Variants in DDAH1 observed in about 807,000 individuals in gnomAD.
The protein encoded by DDAH1 is N(G),N(G)-dimethylarginine dimethylaminohydrolase 1.
Under a neutral mutation model 28.8 loss-of-function variants are expected in DDAH1, and 19 were observed. The observed-to-expected ratio is 0.66, with a 90% CI of 0.46 to 0.97. DDAH1 has a LOEUF of 0.97. DDAH1 is among the 50% of genes least tolerant of loss of function. The probability of loss-of-function intolerance (pLI) is 0.00; values close to 1 mark genes in which losing one functional copy is unlikely to be tolerated. For missense variants in DDAH1, 326 were observed against 375.9 expected (o/e 0.87, Z 1.10); for synonymous variants, 153 against 154.4 (o/e 0.99, Z 0.07).
chr1:85,402,558 G>A (rs1260638170), intron 1 of DDAH1, among the ~76,000 whole-genome samples: 1 of 151,898 alleles, frequency 6.6e-6, no homozygotes, highest in Admixed American at 6.6e-5. Context: ...AAAATGCTTT[G>A]TATATTTTTC....
chr1:85,572,096 A>G (rs1175614275), intron 1 of DDAH1, among the ~76,000 whole-genome samples: 2 of 152,190 alleles, frequency 1.3e-5, no homozygotes, highest in Non-Finnish European at 2.9e-5. Flanking sequence ...ACTAAGTTAC[A>G]GTAGACGGAT....
chr1:85,423,841 A>G (rs1170077589), intron 1 of DDAH1, among the ~76,000 whole-genome samples: 1 of 152,196 alleles, frequency 6.6e-6, no homozygotes, highest in Non-Finnish European at 1.5e-5. Flanking sequence ...CAGTGGTCAG[A>G]GAGGAAATCC....
chr1:85,410,588 G>A (rs1432849535), intron 1 of DDAH1, among the ~76,000 whole-genome samples: 1 of 146,424 alleles, frequency 6.8e-6, no homozygotes, highest in Non-Finnish European at 1.5e-5. Context: ...GTGGTGAGCC[G>A]AGATGGCACC....
chr1:85,500,147 TTTTC>T (rs1373280087), intron 1 of DDAH1, among the ~76,000 whole-genome samples: 3 of 55,244 alleles, frequency 5.4e-5, no homozygotes, highest in African/African-American at 1.6e-4. Context: ...TCTTTCTTTC[TTTTC>T]TTTCTTTCTT....
chr1:85,420,833 T>C (rs1277662281), intron 1 of DDAH1, among the ~76,000 whole-genome samples: 1 of 152,240 alleles, frequency 6.6e-6, no homozygotes, highest in Non-Finnish European at 1.5e-5. Flanking sequence ...TGATTTTCTG[T>C]GTTAGACCAT....
At chr1:85,458,936 G>A (rs1007235441) in intron 1 of DDAH1, among the ~76,000 whole-genome samples, 2 of 152,066 alleles carry the variant, frequency 1.3e-5, no homozygotes, top group African/African-American at 4.8e-5. Context: ...CAGATCTCCA[G>A]TCAAAAAATG....
intron 1 of DDAH1, among the ~76,000 whole-genome samples, chr1:85,507,319 A>G (rs1433550634): frequency 6.6e-6 from 1 of 152,116 alleles, no homozygotes; most frequent in Non-Finnish European, 1.5e-5. Flanking sequence ...TCTAGGCAAC[A>G]TGGTGAAACC....
At chr1:85,444,358 A>T (rs1303252730) in intron 1 of DDAH1, among the ~76,000 whole-genome samples, 1 of 152,198 alleles carries the variant, frequency 6.6e-6, no homozygotes, top group African/African-American at 2.4e-5. Flanking sequence ...CATCCCAGTG[A>T]TGAAGCCCAC....
chr1:85,564,861 C>CAA (rs201212308), intron 1 of DDAH1, among the ~76,000 whole-genome samples: 92 of 127,898 alleles, frequency 7.2e-4, no homozygotes, highest in South Asian at 1.2e-3. Context: ...AAGACTATGT[C>CAA]AAAAAAAAAA....
At chr1:85,431,274 T>C (rs1653675767) in intron 1 of DDAH1, among the ~76,000 whole-genome samples, 1 of 152,214 alleles carries the variant, frequency 6.6e-6, no homozygotes, top group African/African-American at 2.4e-5. Flanking sequence ...CTTTTTGATG[T>C]ACTGCTGGAT....
chr1:85,558,046 C>T (rs1659031706), intron 1 of DDAH1, among the ~76,000 whole-genome samples: 1 of 151,806 alleles, frequency 6.6e-6, no homozygotes. Context: ...AAAGAAAATG[C>T]ACTTGGTCCA....
At chr1:85,465,905 G>C (rs1281545834), upstream of DDAH1, among the ~76,000 whole-genome samples, 1 of 152,128 alleles carries the variant, frequency 6.6e-6, no homozygotes, top group East Asian at 1.9e-4. Context: ...TAAAATCATA[G>C]TATCCGGAAA....
chr1:85,499,401 G>T (rs763484500), intron 1 of DDAH1, among the ~76,000 whole-genome samples: 1 of 152,134 alleles, frequency 6.6e-6, no homozygotes, highest in Admixed American at 6.5e-5. Flanking sequence ...GAGGCCGGGT[G>T]CGGTGGCTGA....
At chr1:85,561,032 G>A (rs531103370) in intron 1 of DDAH1, among the ~76,000 whole-genome samples, 23 of 151,938 alleles carry the variant, frequency 1.5e-4, no homozygotes, top group African/African-American at 2.9e-4. Context: ...TTCCTCATAC[G>A]ACTTTAACAA....
At position 85,319,882 on chromosome 1, in the gene DDAH1, G is replaced by A. The variant is rs544090163; in HGVS notation, c.*1570C>T. On this transcript the variant is annotated 3_prime_UTR_variant, in exon 6 of 6. Coordinates refer to ENST00000284031, the MANE Select transcript of DDAH1 (RefSeq NM_012137.4). ...AGAGGTTTCTCCTTCCATCTGCTAC[G>A]GGGGAAATGAAATGAATGAAAGTAA... 2.6e-5 allele frequency: 4 copies of A among 152,278 alleles called. No homozygotes were observed. Among genetic ancestry groups the A allele is most frequent in the South Asian group, 2.1e-4 (1 of 4,826 alleles). The allele number at this position is 152,278 out of a possible 1,614,324, so 9.4% of individuals were successfully genotyped here. A position where few individuals can be genotyped will look rare whatever the true frequency, so the allele number is the denominator to read the frequency against.
chr1:85,346,362 G>A (rs955179388), intron 4 of DDAH1, among the ~76,000 whole-genome samples: 2 of 152,198 alleles, frequency 1.3e-5, no homozygotes, highest in Non-Finnish European at 2.9e-5. Context: ...CACCTATCCT[G>A]AGACTGCTCA....
At chr1:85,544,752 T>C (rs1373756616) in intron 1 of DDAH1, among the ~76,000 whole-genome samples, 1 of 152,102 alleles carries the variant, frequency 6.6e-6, no homozygotes, top group Non-Finnish European at 1.5e-5. Context: ...CTGGGCACAG[T>C]AGCTGACTAT....
intron 4 of DDAH1, among the ~76,000 whole-genome samples, chr1:85,349,974 T>C (rs1472770206): frequency 6.6e-6 from 1 of 152,234 alleles, no homozygotes; most frequent in Non-Finnish European, 1.5e-5. Flanking sequence ...TAGGTACTTC[T>C]GAACCATGGC....
At chr1:85,474,074 T>G (rs1004093238) in intron 2 of DDAH1, among the ~76,000 whole-genome samples, 1 of 152,246 alleles carries the variant, frequency 6.6e-6, no homozygotes, top group Non-Finnish European at 1.5e-5. Flanking sequence ...TGGTAGTTGC[T>G]TAAGCCAGTA....
Sources: gnomAD v4.1 joint callset for allele counts (sites outside exome capture counted in the v4.1 genomes callset) on GRCh38, gnomAD v4.1.1 for gene constraint, MANE v1.5 for transcripts, NCBI Gene and HGNC (gene_info 2026-07-23, HGNC 2026-07-21) for gene names.